Variants in DMD observed in about 807,000 individuals in gnomAD.
The protein encoded by DMD is mutant dystrophin.
Under a neutral mutation model 330.1 loss-of-function variants are expected in DMD, and 63 were observed. That is an observed-to-expected ratio of 0.19 (90% CI 0.16 to 0.24). DMD has a LOEUF of 0.24. DMD is among the 10% of genes least tolerant of loss of function. The probability of loss-of-function intolerance (pLI) is 1.00; values close to 1 mark genes in which losing one functional copy is unlikely to be tolerated. For missense variants in DMD, 3,344 were observed against 2,684.1 expected, an observed-to-expected ratio of 1.25 and a Z score of -5.43; for synonymous variants, 1,223 against 959.8, an observed-to-expected ratio of 1.27 and a Z score of -5.07.
intron 55 of DMD, among the ~76,000 whole-genome samples, chrX:31,592,815 T>C (rs750372393): frequency 9.0e-6 from 1 of 110,634 alleles, no homozygotes; most frequent in African/African-American, 3.3e-5. Context: ...TCCAGGGGTT[T>C]GTAAAAATTT....
At chrX:31,174,547 A>AC (rs2040325601) in intron 71 of DMD, among the ~76,000 whole-genome samples, 1 of 111,346 alleles carries the variant, frequency 9.0e-6, no homozygotes, top group Non-Finnish European at 1.9e-5. Context: ...TTGGAATAGC[A>AC]CAAAAGGTCT....
intron 64 of DMD, among the ~76,000 whole-genome samples, chrX:31,215,785 A>G (rs1376255676): frequency 8.9e-6 from 1 of 112,402 alleles, no homozygotes; most frequent in Non-Finnish European, 1.9e-5. Flanking sequence ...GTGGAAAGCC[A>G]TTAGTGGGTG....
At chrX:31,370,144 G>C (rs73617080) in intron 60 of DMD, among the ~76,000 whole-genome samples, 1,237 of 108,499 alleles carry the variant, frequency 0.011, 26 homozygotes, top group African/African-American at 0.039. Flanking sequence ...TGGGATCCAG[G>C]GCTAGGCAAA....
At chrX:31,681,608 C>T (rs1326865386) in intron 52 of DMD, among the ~76,000 whole-genome samples, 1 of 112,310 alleles carries the variant, frequency 8.9e-6, no homozygotes, top group Non-Finnish European at 1.9e-5. Context: ...GCATGGGAGC[C>T]CAATGATGAC....
At chrX:32,044,944 C>T (rs1007482652) in intron 44 of DMD, among the ~76,000 whole-genome samples, 3 of 111,606 alleles carry the variant, frequency 2.7e-5, no homozygotes, top group African/African-American at 6.5e-5. Flanking sequence ...GGATATTTGC[C>T]GCCACTCAAA....
chrX:31,476,852 G>A (rs1654685812), intron 59 of DMD, among the ~76,000 whole-genome samples: 2 of 111,360 alleles, frequency 1.8e-5, no homozygotes, highest in African/African-American at 6.5e-5. Context: ...AAAGGACATT[G>A]GTTAAAAGAG....
chrX:31,833,849 A>G (rs764046435), intron 49 of DMD, among the ~76,000 whole-genome samples: 1 of 111,650 alleles, frequency 9.0e-6, no homozygotes, highest in Non-Finnish European at 1.9e-5. Flanking sequence ...AGCGGTGGAC[A>G]CACTAATTAT....
intron 13 of DMD, chrX:32,583,581 G>A (rs1405655106): frequency 1.8e-5 from 2 of 112,068 alleles, no homozygotes; most frequent in Non-Finnish European, 3.8e-5. Flanking sequence ...GGACAGGCAA[G>A]TAGAGAAATA....
chrX:32,640,847 G>A (rs1444946054), intron 11 of DMD, among the ~76,000 whole-genome samples: 1 of 110,619 alleles, frequency 9.0e-6, no homozygotes, highest in Non-Finnish European at 1.9e-5. Context: ...GCTTTGTCTT[G>A]CACTTAGTCT....
At chrX:31,509,647 ACTTT>A (rs1227139764) in intron 55 of DMD, among the ~76,000 whole-genome samples, 2 of 111,915 alleles carry the variant, frequency 1.8e-5, no homozygotes, top group African/African-American at 3.2e-5. Context: ...AGTCACCAAC[ACTTT>A]CTTTGTCTTC....
At chrX:32,973,074 C>T (rs1312136320) in intron 2 of DMD, among the ~76,000 whole-genome samples, 1 of 111,173 alleles carries the variant, frequency 9.0e-6, no homozygotes, top group Non-Finnish European at 1.9e-5. Context: ...TGGTGCCAAA[C>T]GTTTTGGTTT....
chrX:32,054,088 TGAGAGAGAGA>T (rs751524877), intron 44 of DMD, among the ~76,000 whole-genome samples: 3,794 of 69,517 alleles, frequency 0.055, 149 homozygotes, highest in East Asian at 0.36. Context: ...TGTGTGTGTG[TGAGAGAGAGA>T]GAGAGAGAGA....
chrX:32,826,950 ATACAAT>A (rs2078742533), intron 4 of DMD, among the ~76,000 whole-genome samples: 1 of 110,352 alleles, frequency 9.1e-6, no homozygotes, highest in African/African-American at 3.3e-5. Context: ...TACATGGTAT[ATACAAT>A]TTTTTTTGCT....
chrX:32,190,427 G>C (rs2096968260), intron 44 of DMD, among the ~76,000 whole-genome samples: 1 of 107,607 alleles, frequency 9.3e-6, no homozygotes, highest in South Asian at 4.1e-4. Flanking sequence ...CACTCATTAA[G>C]TATAAGCTTA....
At chrX:32,081,908 TAG>T (rs2096394589) in intron 44 of DMD, among the ~76,000 whole-genome samples, 1 of 111,208 alleles carries the variant, frequency 9.0e-6, no homozygotes, top group Non-Finnish European at 1.9e-5. Context: ...AAAAATGTTT[TAG>T]AGTCTGTTTC....
chrX:32,934,243 T>G (rs2089822927), intron 2 of DMD, among the ~76,000 whole-genome samples: 1 of 111,424 alleles, frequency 9.0e-6, no homozygotes, highest in East Asian at 2.8e-4. Context: ...TAATAAACAC[T>G]GTGCTTCCAA....
chrX:32,252,372 C>T (rs954204331), intron 43 of DMD, among the ~76,000 whole-genome samples: 26 of 108,454 alleles, frequency 2.4e-4, no homozygotes, highest in African/African-American at 7.4e-4. Context: ...GCACCTACTG[C>T]GGCTTGTAAA....
At chrX:32,746,845 T>C (rs890330621) in intron 7 of DMD, among the ~76,000 whole-genome samples, 5 of 111,202 alleles carry the variant, frequency 4.5e-5, no homozygotes, top group Admixed American at 1.9e-4. Context: ...AACTAGCTTG[T>C]CCCTTTCCTC....
At chrX:31,600,950 G>A (rs778407007) in intron 55 of DMD, among the ~76,000 whole-genome samples, 3 of 110,085 alleles carry the variant, frequency 2.7e-5, no homozygotes, top group East Asian at 2.9e-4. Context: ...GCCCAATCCT[G>A]AGTATGTAGT....
Sources: gnomAD v4.1 joint callset for allele counts (sites outside exome capture counted in the v4.1 genomes callset) on GRCh38, gnomAD v4.1.1 for gene constraint, MANE v1.5 for transcripts, NCBI Gene and HGNC (gene_info 2026-07-23, HGNC 2026-07-21) for gene names.